FYB2: variants seen among roughly 807,000 people sequenced by gnomAD.
The protein encoded by FYB2 is FYN-binding protein 2.
FYB2 carries 103 observed loss-of-function variants against 94.1 expected under a neutral mutation model. That is an observed-to-expected ratio of 1.09 (90% confidence interval 0.93 to 1.29). The LOEUF is 1.29. Ranked by LOEUF, FYB2 falls within the 50% of genes most tolerant of loss-of-function variation. FYB2 has a pLI of 0.00. For synonymous variants in FYB2, 293 were observed against 287.9 expected, an observed-to-expected ratio of 1.02 and a Z score of -0.18; for missense variants, 896 against 841.5, an observed-to-expected ratio of 1.06 and a Z score of -0.80.
chr1:56,799,767 C>G (rs6684923), intron 1 of FYB2, among the ~76,000 whole-genome samples: 9,549 of 152,240 alleles, frequency 0.063, 317 homozygotes, highest in Non-Finnish European at 0.081. Flanking sequence ...TGAGTTTACC[C>G]TGCTGCCACG....
chr1:56,802,007 G>A (rs1646532964), intron 1 of FYB2, among the ~76,000 whole-genome samples: 1 of 152,182 alleles, frequency 6.6e-6, no homozygotes, highest in South Asian at 2.1e-4. Flanking sequence ...GGAGCATGCA[G>A]AAACTTGGAG....
Position 56,796,247 on chromosome 1 carries a change from G to A in FYB2, c.10-3444C>T, listed in dbSNP as rs561476790. ...ACAATTGATGGGAAATAGATGTGAT[G>A]CCTTTTGTTTTTTATTATCCATCAC... On this transcript the variant is annotated intron_variant, in intron 1 of 19. Coordinates refer to ENST00000343433, the MANE Select transcript of FYB2 (RefSeq NM_001004303.5). 3.9e-5 allele frequency among the ~76,000 whole-genome samples: 6 copies of A among 152,272 alleles called. No individual in the cohort carries two copies. The South Asian group carries it at 8.3e-4, about 21-fold the overall frequency.
the FYB2 span, among the ~76,000 whole-genome samples, chr1:56,826,109 T>G: frequency 6.6e-6 from 1 of 152,238 alleles, no homozygotes; most frequent in South Asian, 2.1e-4. Flanking sequence ...ATCAAGGGAA[T>G]GAGAGTCTAG....
intron 1 of FYB2, among the ~76,000 whole-genome samples, chr1:56,802,122 T>TA (rs1164363590): frequency 1.3e-5 from 2 of 152,148 alleles, no homozygotes; most frequent in Non-Finnish European, 2.9e-5. Flanking sequence ...AAGTCTCATG[T>TA]AAGGCACTGC....
intron 4 of FYB2, among the ~76,000 whole-genome samples, chr1:56,777,356 G>T (rs1033284703): frequency 1.3e-5 from 2 of 151,030 alleles, no homozygotes; most frequent in Non-Finnish European, 3.0e-5. Context: ...TGAATCCAAG[G>T]TTATCTGACT....
At chr1:56,739,649 A>G (rs1196000660) in intron 13 of FYB2, among the ~76,000 whole-genome samples, 2 of 152,104 alleles carry the variant, frequency 1.3e-5, no homozygotes, top group Admixed American at 6.6e-5. Context: ...TCTGCTTTAC[A>G]GTGGTGTGAA....
At chr1:56,817,054 T>G (rs1258446053) in intron 1 of FYB2, among the ~76,000 whole-genome samples, 1 of 152,182 alleles carries the variant, frequency 6.6e-6, no homozygotes, top group Non-Finnish European at 1.5e-5. Context: ...CTAGTATCTA[T>G]TTTCAAAACA....
intron 1 of FYB2, among the ~76,000 whole-genome samples, chr1:56,815,209 T>C (rs112285021): frequency 6.6e-6 from 1 of 152,106 alleles, no homozygotes; most frequent in African/African-American, 2.4e-5. Context: ...GCTCCGCCCA[T>C]GCTCTCCCTT....
Position 56,720,306 on chromosome 1 carries a change from G to A in FYB2, c.1998C>T (p.Ile666=). 1 of 1,606,196 alleles carries A rather than the reference G, an allele frequency of 6.2e-7. No homozygotes were observed. The highest frequency in any genetic ancestry group is 8.5e-7 in the Non-Finnish European group (1 of 1,177,328). ...TATTGGAACAGGCCACTGCTGTATT[G>A]ATGACAATAATCTCTTTGTCGTACT... The part of the protein sequence containing the change: ...RFKYDKEIIV[I]NTAVACSNNS... The change falls in exon 18 of 20, where the codon ATC becomes ATT. Residue 666 remains isoleucine, a synonymous_variant. Coordinates refer to ENST00000343433, the MANE Select transcript of FYB2 (RefSeq NM_001004303.5).
intron 5 of FYB2, among the ~76,000 whole-genome samples, chr1:56,759,177 TAC>T (rs1171128754): frequency 6.6e-6 from 1 of 152,216 alleles, no homozygotes; most frequent in African/African-American, 2.4e-5. Context: ...TTTCCTTAAA[TAC>T]AGTTTGAAAA....
At chr1:56,758,528 C>G (rs1425709267) in intron 6 of FYB2, among the ~76,000 whole-genome samples, 188 bp downstream of exon 6, 2 of 152,128 alleles carry the variant, frequency 1.3e-5, no homozygotes, top group South Asian at 2.1e-4. Flanking sequence ...TCCTATCACA[C>G]ATTTTTGTCT....
chr1:56,815,182 T>C (rs2101105608), intron 1 of FYB2, among the ~76,000 whole-genome samples: 1 of 152,204 alleles, frequency 6.6e-6, no homozygotes, highest in East Asian at 1.9e-4. Context: ...CACCCTGCCA[T>C]ATTACCCATC....
At chr1:56,796,907 G>A (rs1646413541) in intron 1 of FYB2, among the ~76,000 whole-genome samples, 1 of 152,144 alleles carries the variant, frequency 6.6e-6, no homozygotes, top group African/African-American at 2.4e-5. Flanking sequence ...TGCCTACTAT[G>A]CACTAGGCAC....
intron 4 of FYB2, among the ~76,000 whole-genome samples, chr1:56,769,343 G>T (rs1645700081): frequency 6.6e-6 from 1 of 152,098 alleles, no homozygotes; most frequent in East Asian, 1.9e-4. Context: ...CCTAGAATTG[G>T]TGAATTATTT....
At position 56,720,234 on chromosome 1, in the gene FYB2, T is replaced by A; in HGVS notation, c.2070A>T (p.Glu690Asp). 6.2e-7 allele frequency: 1 copy of A among 1,612,254 alleles called. No individual in the cohort carries two copies. Among genetic ancestry groups the A allele is most frequent in the Non-Finnish European group, 8.5e-7 (1 of 1,179,048 alleles). ...GTTCGGTGGTATCAATGACTTCCAA[T>A]TCTTCTCCAGGACTTATTGGCAAAT... The part of the protein sequence containing the change: ...IFDLPISPGE[E>D]LEVIDTTEQN... Residue 690 changes from glutamate to aspartate, a missense_variant, in exon 18 of 20, where the codon GAA becomes GAT. Physicochemically the swap from Glu to Asp is conservative, Grantham distance 45 (BLOSUM62 2). Transcript: ENST00000343433.
In FYB2 at chr1:56,753,954, C is replaced by G; in HGVS notation, c.1131-19G>C. The G allele has an allele frequency of 6.9e-7, 1 of 1,439,710 alleles. No homozygotes were observed. Among genetic ancestry groups the G allele is most frequent in the Non-Finnish European group, 9.3e-7 (1 of 1,076,396 alleles). The allele number at this position is 1,439,710 out of a possible 1,614,324, so 89.2% of individuals were successfully genotyped here. A position where few individuals can be genotyped will look rare whatever the true frequency, so the allele number is the denominator to read the frequency against. On this transcript the variant is annotated intron_variant, in intron 7 of 19. Coordinates refer to ENST00000343433, the MANE Select transcript of FYB2 (RefSeq NM_001004303.5). The stretch of plus-strand genomic sequence containing the variant: ...TTTAGCACTGAAATGTGAAGAGATA[C>G]CAGGAAAAAAATGAAGCTTAGAGTG...
At chr1:56,723,945 C>T (rs145290189) in intron 16 of FYB2, among the ~76,000 whole-genome samples, 166 of 151,910 alleles carry the variant, frequency 1.1e-3, no homozygotes, top group African/African-American at 3.2e-3. Flanking sequence ...AATTGCTTTT[C>T]GCTACAATTA....
intron 4 of FYB2, among the ~76,000 whole-genome samples, chr1:56,769,265 C>T (rs857092): frequency 0.33 from 49,843 of 151,892 alleles, 8,848 homozygotes; most frequent in African/African-American, 0.45. Flanking sequence ...GTCTCGAACT[C>T]CTAGGCTCAA....
At chr1:56,776,497 T>C (rs924941465) in intron 4 of FYB2, among the ~76,000 whole-genome samples, 1 of 152,160 alleles carries the variant, frequency 6.6e-6, no homozygotes, top group African/African-American at 2.4e-5. Context: ...TTTTTTCCCA[T>C]TCATCTAGGA....
Sources: allele counts gnomAD v4.1 joint callset (sites outside exome capture counted in the v4.1 genomes callset), GRCh38; gene constraint gnomAD v4.1.1; transcripts MANE v1.5; gene names NCBI Gene and HGNC (gene_info 2026-07-23, HGNC 2026-07-21).